The following KCNH1 variants were observed in gnomAD, a reference collection of about 807,000 sequenced individuals.
The protein encoded by KCNH1 is voltage-gated delayed rectifier potassium channel KCNH1.
In KCNH1, 27 loss-of-function variants were observed where a neutral mutation model predicts 69.2. The observed-to-expected ratio is 0.39, with a 90% CI of 0.29 to 0.54. The LOEUF (loss-of-function observed/expected upper bound fraction) is 0.54. KCNH1 is among the 20% of genes least tolerant of loss of function. KCNH1 has a pLI of 0.68. For missense variants in KCNH1, 798 were observed against 1,261.6 expected (o/e 0.63, Z 5.57); for synonymous variants, 456 against 487.7 (o/e 0.93, Z 0.86).
intron 7 of KCNH1, among the ~76,000 whole-genome samples, chr1:210,865,455 T>G (rs974885109): frequency 1.3e-5 from 2 of 152,138 alleles, no homozygotes; most frequent in African/African-American, 4.8e-5. Flanking sequence ...TCATAGTCTT[T>G]AGAGAACATT....
At chr1:210,826,378 C>T (rs1036555233) in intron 7 of KCNH1, among the ~76,000 whole-genome samples, 1 of 152,088 alleles carries the variant, frequency 6.6e-6, no homozygotes, top group Non-Finnish European at 1.5e-5. Context: ...CATGACTTTA[C>T]AAGGTGATTC....
chr1:211,058,084 T>A (rs984272612), intron 5 of KCNH1, among the ~76,000 whole-genome samples: 1 of 151,914 alleles, frequency 6.6e-6, no homozygotes, highest in Non-Finnish European at 1.5e-5. Flanking sequence ...AAGGAAAAAA[T>A]TTCTTATCCT....
At chr1:210,904,449 G>T (rs1687057358) in intron 7 of KCNH1, among the ~76,000 whole-genome samples, 1 of 152,042 alleles carries the variant, frequency 6.6e-6, no homozygotes, top group South Asian at 2.1e-4. Context: ...AAGGTGCGAA[G>T]AAATTCTTTT....
chr1:210,833,411 C>T lies in KCNH1; in HGVS notation c.1463-29245G>A, dbSNP rs540596734. On this transcript the variant is annotated intron_variant, in intron 7 of 10. Coordinates refer to ENST00000271751, the MANE Select transcript of KCNH1 (RefSeq NM_172362.3). ...TACCACTATCTGATCTTTGACAAAC[C>T]TGAGAAAAACAAGCAATGGGGAAAG... Among the ~76,000 whole-genome samples the T allele has an allele frequency of 2.9e-3, 447 of 152,142 alleles. 3 individuals carry two copies. Among genetic ancestry groups the T allele is most frequent in the African/African-American group, 0.01 (423 of 41,512 alleles).
At chr1:210,874,916 G>C (rs762337056) in intron 7 of KCNH1, among the ~76,000 whole-genome samples, 22 of 152,070 alleles carry the variant, frequency 1.4e-4, no homozygotes, top group Non-Finnish European at 2.5e-4. Context: ...GCAGAATGGT[G>C]GATTAAAGGG....
intron 6 of KCNH1, among the ~76,000 whole-genome samples, chr1:211,009,756 T>C (rs12027203): frequency 0.57 from 85,965 of 151,572 alleles, 25,252 homozygotes; most frequent in African/African-American, 0.73. Context: ...CTAGAGGTGC[T>C]TGCCACCATG....
intron 7 of KCNH1, among the ~76,000 whole-genome samples, chr1:210,819,165 G>A (rs1308630572): frequency 6.6e-6 from 1 of 152,174 alleles, no homozygotes; most frequent in Non-Finnish European, 1.5e-5. Flanking sequence ...ATAGGAGGAA[G>A]AGTTAATTGA....
rs1019171791 is a variant in KCNH1 at position 210,889,098 on chromosome 1, C to CA, written c.1462+30541dup. Among the ~76,000 whole-genome samples, 12 of 152,028 alleles carry CA rather than the reference C, an allele frequency of 7.9e-5. No homozygotes were observed. The East Asian group carries it at 2.3e-3, about 29-fold the overall frequency. ...ATACCAAAACCTGGCAGAGACACAA[C>CA]AAAAAAAGAAAATTTCAGGCCAATA... On this transcript the variant is annotated intron_variant, in intron 7 of 10. Coordinates refer to ENST00000271751, the MANE Select transcript of KCNH1 (RefSeq NM_172362.3).
intron 7 of KCNH1, among the ~76,000 whole-genome samples, chr1:210,849,365 C>CTTT (rs150451228): frequency 0.19 from 24,168 of 127,572 alleles, 2,276 homozygotes; most frequent in Non-Finnish European, 0.2. Context: ...TTCTTTCTTT[C>CTTT]TTTTTTTTTT....
At chr1:210,821,447 G>T (rs1684926968) in intron 7 of KCNH1, among the ~76,000 whole-genome samples, 1 of 152,094 alleles carries the variant, frequency 6.6e-6, no homozygotes, top group African/African-American at 2.4e-5. Context: ...AGAACAACAG[G>T]TCAGCGTATG....
chr1:211,032,667 G>T (rs190924567), intron 5 of KCNH1, among the ~76,000 whole-genome samples: 4,026 of 152,090 alleles, frequency 0.026, 92 homozygotes, highest in South Asian at 0.06. Context: ...GGGGAAAGGA[G>T]TCCCTATTTA....
In KCNH1 at chr1:210,881,146, G is replaced by A. The variant is rs577863518; in HGVS notation, c.1462+38494C>T. Among the ~76,000 whole-genome samples the A allele has an allele frequency of 2.0e-5, 3 of 152,040 alleles. No individual in the cohort carries two copies. The South Asian group carries it at 6.2e-4, about 32-fold the overall frequency. On this transcript the variant is annotated intron_variant, in intron 7 of 10. Coordinates refer to ENST00000271751, the MANE Select transcript of KCNH1 (RefSeq NM_172362.3). ...GATTCTCGTGCCTCAGCTTCCCAAG[G>A]CATGCTCCATCATTCCTGGCTAATT...
chr1:210,974,170 T>C (rs1248247646), intron 6 of KCNH1, among the ~76,000 whole-genome samples: 1 of 152,212 alleles, frequency 6.6e-6, no homozygotes, highest in African/African-American at 2.4e-5. Context: ...TTTTGTTAAA[T>C]GCTCTTTATC....
At chr1:210,745,499 A>C (rs1424958335) in intron 10 of KCNH1, among the ~76,000 whole-genome samples, 1 of 152,214 alleles carries the variant, frequency 6.6e-6, no homozygotes, top group Non-Finnish European at 1.5e-5. Context: ...GCATATGCCA[A>C]TTAAGAAACG....
intron 7 of KCNH1, among the ~76,000 whole-genome samples, chr1:210,812,709 A>G (rs899291557): frequency 6.6e-6 from 1 of 152,210 alleles, no homozygotes; most frequent in Non-Finnish European, 1.5e-5. Context: ...GAGCACTCAA[A>G]GTGGTCCAGA....
At chr1:210,822,239 C>T (rs974651812) in intron 7 of KCNH1, among the ~76,000 whole-genome samples, 2 of 151,882 alleles carry the variant, frequency 1.3e-5, no homozygotes, top group South Asian at 4.2e-4. Flanking sequence ...AGAGGTATGG[C>T]AGGGAAGTGG....
intron 2 of KCNH1, among the ~76,000 whole-genome samples, chr1:211,104,087 C>A (rs906812031): frequency 1.3e-5 from 2 of 152,086 alleles, no homozygotes; most frequent in Admixed American, 6.5e-5. Context: ...AATTCCAGAC[C>A]CTGATTATAG....
intron 10 of KCNH1, among the ~76,000 whole-genome samples, chr1:210,768,287 A>G (rs144362421): frequency 2.3e-3 from 350 of 152,290 alleles, no homozygotes; most frequent in African/African-American, 7.8e-3. Flanking sequence ...TAAGGCCTCT[A>G]TTTCATACCT....
chr1:210,817,583 T>G (rs1271319807), intron 7 of KCNH1, among the ~76,000 whole-genome samples: 1 of 152,192 alleles, frequency 6.6e-6, no homozygotes, highest in Non-Finnish European at 1.5e-5. Context: ...AGTCAACCAT[T>G]GCATCAAATG....
Sources: allele counts gnomAD v4.1 joint callset (sites outside exome capture counted in the v4.1 genomes callset), GRCh38; gene constraint gnomAD v4.1.1; transcripts MANE v1.5; gene names NCBI Gene and HGNC (gene_info 2026-07-23, HGNC 2026-07-21).